The following ARHGEF4 variants were observed in gnomAD, a reference collection of about 807,000 sequenced individuals.
The protein encoded by ARHGEF4 is APC-stimulated guanine nucleotide exchange factor 1.
A neutral mutation model predicts 162.0 loss-of-function variants in ARHGEF4; 119 were observed. That is an observed-to-expected ratio of 0.73 (90% CI 0.63 to 0.86). ARHGEF4 has a LOEUF of 0.86. Ranked by LOEUF, ARHGEF4 falls within the 40% of genes least tolerant of loss-of-function variation. ARHGEF4 has a pLI of 0.00. For missense variants in ARHGEF4, 2,488 were observed against 2,456.0 expected (o/e 1.01, Z -0.28); for synonymous variants, 1,014 against 979.9 (o/e 1.03, Z -0.65).
intron 1 of ARHGEF4, among the ~76,000 whole-genome samples, chr2:130,881,793 G>A (rs949623500): frequency 6.6e-6 from 1 of 152,152 alleles, no homozygotes; most frequent in Admixed American, 6.5e-5. Flanking sequence ...CGTGCAGCCA[G>A]TGAGGACCAC....
rs1691318151 is a variant in ARHGEF4 at position 131,047,047 on chromosome 2, T to C, written c.*858T>C. 1.3e-5 allele frequency: 2 copies of C among 152,502 alleles called. No individual in the cohort carries two copies. Among genetic ancestry groups the C allele is most frequent in the African/African-American group, 4.8e-5 (2 of 41,470 alleles). 9.4% of individuals were successfully genotyped at this position (152,502 alleles called of 1,614,324 possible). On this transcript the variant is annotated 3_prime_UTR_variant, in exon 14 of 14. Coordinates refer to ENST00000409359, the MANE Select transcript of ARHGEF4 (RefSeq NM_001367493.1). Reference sequence around the variant, plus strand: ...TAAGAGAGAGACCGAATTCTGTGGCTCAGCACACAGGACTGACCCACAGCC... The same window carrying C: ...TAAGAGAGAGACCGAATTCTGTGGCCCAGCACACAGGACTGACCCACAGCC...
intron 2 of ARHGEF4, among the ~76,000 whole-genome samples, chr2:130,923,434 C>G (rs1304705074): frequency 2.0e-5 from 3 of 152,168 alleles, no homozygotes; most frequent in Non-Finnish European, 4.4e-5. Context: ...CCTTCTGACA[C>G]AGTATCTTAA....
rs946914561 is a variant in ARHGEF4, at chr2:131,046,419, C to T, written c.*230C>T. The T allele has an allele frequency of 7.3e-6, 4 of 544,266 alleles. No homozygotes were observed. Among genetic ancestry groups the T allele is most frequent in the Admixed American group, 3.3e-5 (1 of 30,616 alleles). 33.7% of individuals were successfully genotyped at this position (544,266 alleles called of 1,614,324 possible). On this transcript the variant is annotated 3_prime_UTR_variant, in exon 14 of 14. Transcript: ENST00000409359. Reference sequence around the variant, plus strand: ...GGGGCAGACCCCGCACTCGCCACACCGCCGCTGCAGCTTGGGCCCCATCCG... The same window carrying T: ...GGGGCAGACCCCGCACTCGCCACACTGCCGCTGCAGCTTGGGCCCCATCCG...
At chr2:130,873,608 G>A (rs1381298064) in intron 1 of ARHGEF4, among the ~76,000 whole-genome samples, 2 of 150,524 alleles carry the variant, frequency 1.3e-5, no homozygotes, top group East Asian at 3.9e-4. Context: ...AAAAGGAAAA[G>A]AAAAGAAGAC....
intron 4 of ARHGEF4, among the ~76,000 whole-genome samples, chr2:130,970,882 A>C (rs1685317177): frequency 6.6e-6 from 1 of 152,202 alleles, no homozygotes; most frequent in South Asian, 2.1e-4. Flanking sequence ...ACTTGCTAAT[A>C]GTGTCTTTTG....
At chr2:130,991,693 T>C (rs1388871683) in intron 4 of ARHGEF4, among the ~76,000 whole-genome samples, 1 of 152,216 alleles carries the variant, frequency 6.6e-6, no homozygotes, top group Admixed American at 6.5e-5. Flanking sequence ...GGGGCAGGCC[T>C]CGGGACTGCA....
chr2:130,991,967 A>G (rs1273341973), intron 4 of ARHGEF4, among the ~76,000 whole-genome samples: 3 of 152,262 alleles, frequency 2.0e-5, no homozygotes, highest in South Asian at 2.1e-4. Flanking sequence ...AAATACACCA[A>G]TCAGCACTCT....
intron 2 of ARHGEF4, among the ~76,000 whole-genome samples, chr2:130,924,932 A>C (rs1682139250): frequency 1.3e-5 from 2 of 152,072 alleles, no homozygotes; most frequent in South Asian, 4.1e-4. Context: ...TGGGTGTAAT[A>C]TCCACTTTAT....
intron 1 of ARHGEF4, among the ~76,000 whole-genome samples, chr2:130,856,100 A>G (rs147984695): frequency 5.3e-4 from 81 of 152,352 alleles, no homozygotes; most frequent in Middle Eastern, 3.4e-3. Context: ...ACTCAGTTCA[A>G]ATAACTAAAG....
intron 1 of ARHGEF4, among the ~76,000 whole-genome samples, chr2:130,880,871 CAG>C: frequency 6.6e-6 from 1 of 151,482 alleles, no homozygotes; most frequent in East Asian, 1.9e-4. Flanking sequence ...CAACACAGCA[CAG>C]GAGTCAAGAA....
intron 3 of ARHGEF4, among the ~76,000 whole-genome samples, chr2:130,940,437 AGGTGCCTGCCACCAT>A (rs1683217314): frequency 1.3e-5 from 2 of 151,876 alleles, no homozygotes; most frequent in Non-Finnish European, 2.9e-5. Context: ...CTGGGACTAC[AGGTGCCTGCCACCAT>A]GCCCGACTAA....
chr2:130,992,725 T>C (rs1454898049), intron 4 of ARHGEF4, among the ~76,000 whole-genome samples: 1 of 152,192 alleles, frequency 6.6e-6, no homozygotes, highest in East Asian at 1.9e-4. Flanking sequence ...CAGGAGAGAA[T>C]GCAACAACTT....
At chr2:130,966,689 G>A (rs972443383) in intron 4 of ARHGEF4, among the ~76,000 whole-genome samples, 1 of 152,196 alleles carries the variant, frequency 6.6e-6, no homozygotes, top group Non-Finnish European at 1.5e-5. Flanking sequence ...TGGTGCGTTG[G>A]AATAGTCCTG....
chr2:130,915,020 G>C lies in ARHGEF4; in HGVS notation c.1074G>C (p.Lys358Asn), dbSNP rs1369061666. Residue 358 changes from lysine (K) to asparagine (N), a missense_variant, in exon 2 of 14, where the codon AAG becomes AAC. Lys to Asn is a moderately conservative substitution (Grantham distance 94, BLOSUM62 0). This residue lies in a region of ARHGEF4 where 1,642 missense variants were observed against 1,481.5 expected (regional missense o/e 1.11). Coordinates refer to ENST00000409359, the MANE Select transcript of ARHGEF4 (RefSeq NM_001367493.1). ...PEDPVGQNVV[K>N]SGTHVKEGAK... ...ATCCCGTGGGACAGAATGTTGTGAA[G>C]TCTGGGACCCATGTGAAGGAAGGGG... The C allele has an allele frequency of 6.4e-7, 1 of 1,550,548 alleles. No homozygotes were observed. The highest frequency in any genetic ancestry group is 1.2e-5 in the South Asian group (1 of 84,060).
At chr2:130,985,289 G>A (rs367818159) in intron 4 of ARHGEF4, among the ~76,000 whole-genome samples, 9 of 152,022 alleles carry the variant, frequency 5.9e-5, no homozygotes, top group African/African-American at 1.7e-4. Flanking sequence ...CCAAGGCAGC[G>A]GAACCACAAA....
chr2:130,882,855 G>C (rs1438040105), intron 1 of ARHGEF4, among the ~76,000 whole-genome samples: 3 of 151,930 alleles, frequency 2.0e-5, no homozygotes, highest in African/African-American at 7.3e-5. Flanking sequence ...CATCCACAAT[G>C]GGCTGAGTCC....
chr2:130,896,108 G>C (rs930903937), intron 1 of ARHGEF4, among the ~76,000 whole-genome samples: 2 of 152,040 alleles, frequency 1.3e-5, no homozygotes, highest in Admixed American at 1.3e-4. Flanking sequence ...ATTATTTGTT[G>C]AAAAGACTAT....
chr2:130,880,057 C>T (rs1489025609), intron 1 of ARHGEF4, among the ~76,000 whole-genome samples: 1 of 152,222 alleles, frequency 6.6e-6, no homozygotes, highest in Non-Finnish European at 1.5e-5. Context: ...TCACACAGAG[C>T]TTGGAGGCTG....
At chr2:130,908,453 G>A (rs1680969757) in intron 1 of ARHGEF4, among the ~76,000 whole-genome samples, 2 of 152,192 alleles carry the variant, frequency 1.3e-5, no homozygotes, top group South Asian at 2.1e-4. Context: ...GAGGCGGGTG[G>A]ATCACGAGGT....
Sources: allele counts gnomAD v4.1 joint callset (sites outside exome capture counted in the v4.1 genomes callset), GRCh38; gene constraint gnomAD v4.1.1; regional missense constraint gnomAD v4.1.1; transcripts MANE v1.5; gene names NCBI Gene and HGNC (gene_info 2026-07-23, HGNC 2026-07-21).